The following IGFL2 variants were observed in gnomAD, a reference collection of about 807,000 sequenced individuals.
IGFL2 encodes IGF like family member 2, also known as insulin growth factor-like family member 2.
In IGFL2, 7 loss-of-function variants were observed where a neutral mutation model predicts 13.9. That is an observed-to-expected ratio of 0.51 (90% CI 0.29 to 0.95). IGFL2 has a LOEUF of 0.95. IGFL2 is among the 40% of genes least tolerant of loss of function. The pLI, the probability that IGFL2 is intolerant of heterozygous loss-of-function variation, is 0.08. For synonymous variants in IGFL2, 55 were observed against 55.8 expected, an observed-to-expected ratio of 0.99 and a Z score of 0.07; for missense variants, 138 against 147.8, an observed-to-expected ratio of 0.93 and a Z score of 0.34.
the IGFL2 span, among the ~76,000 whole-genome samples, chr19:46,175,963 C>T: frequency 6.6e-6 from 1 of 150,736 alleles, no homozygotes; most frequent in Non-Finnish European, 1.5e-5. Flanking sequence ...CTGCCTTAGC[C>T]TCCTGAGTAG....
the IGFL2 span, among the ~76,000 whole-genome samples, chr19:46,104,975 GAGA>G: frequency 2.0e-5 from 3 of 152,130 alleles, no homozygotes; most frequent in African/African-American, 7.2e-5. Flanking sequence ...AGTGACTGAT[GAGA>G]AGGAGAAAAA....
upstream of IGFL2, among the ~76,000 whole-genome samples, chr19:46,142,831 A>G (rs971960874): frequency 1.3e-5 from 2 of 152,246 alleles, no homozygotes; most frequent in African/African-American, 2.4e-5. Flanking sequence ...TGGCTTCTAC[A>G]TGCACATTAT....
the IGFL2 span, among the ~76,000 whole-genome samples, chr19:46,188,848 C>A: frequency 1.3e-5 from 2 of 152,358 alleles, no homozygotes; most frequent in African/African-American, 2.4e-5. Context: ...TCGGACAGAG[C>A]CCCCATTCAT....
chr19:46,154,044 G>T (rs1394668532), intron 1 of IGFL2, among the ~76,000 whole-genome samples: 1 of 151,906 alleles, frequency 6.6e-6, no homozygotes, highest in Non-Finnish European at 1.5e-5. Context: ...GTGTCCATGT[G>T]TTCTCACAGT....
chr19:46,080,011 G>A, the IGFL2 span, among the ~76,000 whole-genome samples: 4 of 151,528 alleles, frequency 2.6e-5, no homozygotes, highest in Admixed American at 2.6e-4. Context: ...GAAAACGTGC[G>A]TCAGAGGGCC....
the IGFL2 span, among the ~76,000 whole-genome samples, chr19:46,125,546 A>G: frequency 1.3e-5 from 2 of 152,224 alleles, no homozygotes; most frequent in South Asian, 2.1e-4. Flanking sequence ...TGATGATTCA[A>G]TCAGAAAATG....
chr19:46,089,171 C>T, the IGFL2 span, among the ~76,000 whole-genome samples: 1 of 150,332 alleles, frequency 6.7e-6, no homozygotes, highest in Non-Finnish European at 1.5e-5. Flanking sequence ...TTGTAGTTAC[C>T]AAAAAAAACT....
At chr19:46,184,678 C>T in the IGFL2 span, among the ~76,000 whole-genome samples, 2 of 152,118 alleles carry the variant, frequency 1.3e-5, no homozygotes, top group African/African-American at 4.8e-5. Flanking sequence ...TGGGTTGGTT[C>T]CAAGTCTTTG....
the IGFL2 span, chr19:46,194,953 G>A: frequency 2.1e-5 from 3 of 140,330 alleles, no homozygotes; most frequent in Middle Eastern, 8.1e-3. Context: ...GGCCTCAAGT[G>A]ATCCTCCTGC....
chr19:46,104,218 A>G, the IGFL2 span, among the ~76,000 whole-genome samples: 5 of 152,316 alleles, frequency 3.3e-5, no homozygotes, highest in Non-Finnish European at 2.9e-5. Context: ...TCCATATAAA[A>G]GTTCAAATGG....
the IGFL2 span, among the ~76,000 whole-genome samples, chr19:46,194,518 A>G: frequency 1.3e-5 from 2 of 152,052 alleles, no homozygotes; most frequent in African/African-American, 2.4e-5. Flanking sequence ...ACCAGGGACA[A>G]TGCAAGCAAA....
At chr19:46,183,832 A>G in the IGFL2 span, among the ~76,000 whole-genome samples, 29 of 152,064 alleles carry the variant, frequency 1.9e-4, no homozygotes, top group African/African-American at 7.0e-4. Flanking sequence ...CACCACGCCC[A>G]GCCTTGCAGA....
chr19:46,104,107 G>A, the IGFL2 span, among the ~76,000 whole-genome samples: 2 of 152,148 alleles, frequency 1.3e-5, no homozygotes, highest in African/African-American at 4.8e-5. Context: ...GAGAAGATGA[G>A]CAGCCTGGCA....
chr19:46,109,066 C>T, the IGFL2 span, among the ~76,000 whole-genome samples: 659 of 152,208 alleles, frequency 4.3e-3, no homozygotes, highest in African/African-American at 0.014. Flanking sequence ...CCCCCTCCCC[C>T]GGGTCTTTGG....
At chr19:46,090,761 T>C in the IGFL2 span, among the ~76,000 whole-genome samples, 3 of 152,192 alleles carry the variant, frequency 2.0e-5, no homozygotes, top group Admixed American at 1.3e-4. Context: ...TGATGCAAAC[T>C]GTGGATTGAG....
the IGFL2 span, among the ~76,000 whole-genome samples, chr19:46,127,530 C>T: frequency 6.6e-6 from 1 of 152,024 alleles, no homozygotes; most frequent in South Asian, 2.1e-4. Flanking sequence ...ATTTAGGTCC[C>T]GGACAATTTT....
At chr19:46,175,877 C>G in the IGFL2 span, among the ~76,000 whole-genome samples, 3 of 142,624 alleles carry the variant, frequency 2.1e-5, no homozygotes, top group Non-Finnish European at 3.0e-5. Flanking sequence ...GAGTCTCGCT[C>G]TGTCACCCAG....
chr19:46,166,232 G>T (rs2146909347), downstream of IGFL2, among the ~76,000 whole-genome samples: 1 of 152,276 alleles, frequency 6.6e-6, no homozygotes, highest in East Asian at 1.9e-4. Flanking sequence ...GCTGGCTTGA[G>T]AAATAAAGGG....
chr19:46,154,369 A>G (rs1407887706), intron 1 of IGFL2, among the ~76,000 whole-genome samples: 2 of 152,252 alleles, frequency 1.3e-5, no homozygotes, highest in Admixed American at 1.3e-4. Flanking sequence ...CTCTGACCCC[A>G]GGAGGAGGGC....
Sources: allele counts gnomAD v4.1 joint callset (sites outside exome capture counted in the v4.1 genomes callset), GRCh38; gene constraint gnomAD v4.1.1; transcripts MANE v1.5; gene names NCBI Gene and HGNC (gene_info 2026-07-23, HGNC 2026-07-21).